The following SLC4A10 variants were observed in gnomAD, a reference collection of about 807,000 sequenced individuals.
The protein encoded by SLC4A10 is sodium-driven chloride bicarbonate exchanger.
In SLC4A10, 42 loss-of-function variants were observed where a neutral mutation model predicts 137.7. The observed-to-expected ratio is 0.30, with a 90% CI of 0.24 to 0.39. The LOEUF is 0.39. Among genes scored for constraint, SLC4A10 ranks in the 10% least tolerant of loss-of-function variants. The pLI is 1.00. For missense variants in SLC4A10, 925 were observed against 1,355.0 expected, an observed-to-expected ratio of 0.68 and a Z score of 4.98; for synonymous variants, 474 against 464.1, an observed-to-expected ratio of 1.02 and a Z score of -0.27.
chr2:161,925,970 A>C (rs1228379256), intron 15 of SLC4A10, among the ~76,000 whole-genome samples: 2 of 152,226 alleles, frequency 1.3e-5, no homozygotes, highest in African/African-American at 4.8e-5. Context: ...CTTTACTTCC[A>C]ACTATGTGGT....
chr2:161,878,728 G>A (rs1391798317), intron 8 of SLC4A10, among the ~76,000 whole-genome samples: 1 of 152,054 alleles, frequency 6.6e-6, no homozygotes, highest in Non-Finnish European at 1.5e-5. Context: ...GCATATTTGA[G>A]TATCAATTAA....
chr2:161,661,597 A>G (rs1049905070), intron 1 of SLC4A10, among the ~76,000 whole-genome samples: 4 of 152,248 alleles, frequency 2.6e-5, no homozygotes, highest in African/African-American at 9.6e-5. Flanking sequence ...TCTGTTTGAA[A>G]GTGCTTTATG....
chr2:161,978,154 G>A (rs1316327381), intron 26 of SLC4A10, among the ~76,000 whole-genome samples: 1 of 152,060 alleles, frequency 6.6e-6, no homozygotes, highest in Non-Finnish European at 1.5e-5. Flanking sequence ...GGATGCCAAG[G>A]TGAGCGGATC....
intron 4 of SLC4A10, among the ~76,000 whole-genome samples, chr2:161,849,091 T>C (rs1575269122): frequency 6.6e-6 from 1 of 152,286 alleles, no homozygotes; most frequent in African/African-American, 2.4e-5. Context: ...AGCAGTGTCT[T>C]GTAATTCTCG....
chr2:161,669,274 G>A (rs1386870427), intron 1 of SLC4A10, among the ~76,000 whole-genome samples: 1 of 151,690 alleles, frequency 6.6e-6, no homozygotes, highest in Admixed American at 6.6e-5. Context: ...GCCTTTGTGG[G>A]CAAACATTGC....
chr2:161,720,917 C>T (rs1319746716), intron 1 of SLC4A10, among the ~76,000 whole-genome samples: 1 of 151,816 alleles, frequency 6.6e-6, no homozygotes, highest in South Asian at 2.1e-4. Context: ...GCAACCTCTG[C>T]CCCCAGGTTC....
chr2:161,678,339 A>G (rs1057230476), intron 1 of SLC4A10, among the ~76,000 whole-genome samples: 6 of 152,208 alleles, frequency 3.9e-5, no homozygotes, highest in Non-Finnish European at 7.4e-5. Flanking sequence ...TGCTATTTAT[A>G]GAGAGGAACT....
At chr2:161,862,316 A>G (rs532533310) in intron 5 of SLC4A10, among the ~76,000 whole-genome samples, 3 of 152,316 alleles carry the variant, frequency 2.0e-5, no homozygotes, top group South Asian at 4.1e-4. Flanking sequence ...AAATTCAGTA[A>G]CTATATCACT....
Position 161,694,902 on chromosome 2 carries a change from T to A in SLC4A10, c.48+70336T>A, listed in dbSNP as rs185521150. On this transcript the variant is annotated intron_variant, in intron 1 of 26. Transcript: ENST00000446997. ...TTTCAAAAATCTTAGTATGTCAACA[T>A]TGAATTTTTTTTATATCTTTGTGTC... Among the ~76,000 whole-genome samples the A allele has an allele frequency of 4.9e-4, 75 of 152,138 alleles. 1 individual carries two copies. The East Asian group carries it at 0.013, about 27-fold the overall frequency.
chr2:161,970,209 A>G (rs921609048), intron 23 of SLC4A10, among the ~76,000 whole-genome samples: 2 of 152,208 alleles, frequency 1.3e-5, no homozygotes, highest in Non-Finnish European at 2.9e-5. Flanking sequence ...TTACATGATT[A>G]CTTAGAGACA....
chr2:161,629,757 T>C (rs1573974044), intron 1 of SLC4A10, among the ~76,000 whole-genome samples: 1 of 151,908 alleles, frequency 6.6e-6, no homozygotes, highest in Admixed American at 6.6e-5. Flanking sequence ...ACTTTCTTCA[T>C]AGTTTTGCAT....
intron 1 of SLC4A10, among the ~76,000 whole-genome samples, chr2:161,739,318 G>T (rs2047648465): frequency 6.6e-6 from 1 of 152,076 alleles, no homozygotes; most frequent in South Asian, 2.1e-4. Context: ...ACTTTTGAAG[G>T]CATGTAAGCT....
intron 1 of SLC4A10, among the ~76,000 whole-genome samples, chr2:161,741,561 T>C (rs2047898484): frequency 6.6e-6 from 1 of 152,194 alleles, no homozygotes; most frequent in Non-Finnish European, 1.5e-5. Context: ...AAAAAGATTC[T>C]ACATTTAAGT....
intron 15 of SLC4A10, among the ~76,000 whole-genome samples, chr2:161,938,574 C>T (rs1390870918): frequency 6.6e-6 from 1 of 150,986 alleles, no homozygotes; most frequent in Non-Finnish European, 1.5e-5. Flanking sequence ...CTATAACATG[C>T]TAGGCTGCCT....
chr2:161,667,452 C>A (rs1483451521), intron 1 of SLC4A10, among the ~76,000 whole-genome samples: 1 of 151,490 alleles, frequency 6.6e-6, no homozygotes, highest in Non-Finnish European at 1.5e-5. Context: ...TTATCAGATA[C>A]AAACACTTAA....
At chr2:161,628,025 T>A (rs1204364456) in intron 1 of SLC4A10, among the ~76,000 whole-genome samples, 1 of 152,130 alleles carries the variant, frequency 6.6e-6, no homozygotes, top group Non-Finnish European at 1.5e-5. Context: ...TGGATATATA[T>A]GGAGAATATA....
intron 1 of SLC4A10, among the ~76,000 whole-genome samples, chr2:161,742,436 TTTC>T (rs200762029): frequency 0.077 from 10,389 of 135,754 alleles, 950 homozygotes; most frequent in African/African-American, 0.22. Flanking sequence ...TCTTTCTTTC[TTTC>T]TTTTTTTTTT....
intron 15 of SLC4A10, among the ~76,000 whole-genome samples, chr2:161,937,158 C>G (rs563764706): frequency 1.3e-5 from 2 of 151,918 alleles, no homozygotes; most frequent in Non-Finnish European, 2.9e-5. Context: ...AAAATTCTTC[C>G]TGTTATTGAT....
At chr2:161,856,898 A>G (rs115905966) in intron 5 of SLC4A10, among the ~76,000 whole-genome samples, 2,441 of 152,308 alleles carry the variant, frequency 0.016, 67 homozygotes, top group African/African-American at 0.056. Context: ...TAAATCGATG[A>G]TGGCGCTACC....
Sources: allele counts gnomAD v4.1 joint callset (sites outside exome capture counted in the v4.1 genomes callset), GRCh38; gene constraint gnomAD v4.1.1; transcripts MANE v1.5; gene names NCBI Gene and HGNC (gene_info 2026-07-23, HGNC 2026-07-21).